The following BRINP3 variants were observed in gnomAD, a reference collection of about 807,000 sequenced individuals.
BRINP3 encodes BMP/retinoic acid inducible neural specific 3.
A neutral mutation model predicts 71.0 loss-of-function variants in BRINP3; 19 were observed. The ratio of observed to expected loss-of-function variants is 0.27; its 90% confidence interval spans 0.19 to 0.39. The LOEUF is 0.39. Ranked by LOEUF, BRINP3 falls within the 10% of genes least tolerant of loss-of-function variation. BRINP3 has a pLI of 1.00. For missense variants in BRINP3, 959 were observed against 940.8 expected, an observed-to-expected ratio of 1.02 and a Z score of -0.25; for synonymous variants, 380 against 337.7, an observed-to-expected ratio of 1.13 and a Z score of -1.37.
chr1:190,271,121 T>G (rs1407269609), intron 3 of BRINP3, among the ~76,000 whole-genome samples: 1 of 151,630 alleles, frequency 6.6e-6, no homozygotes, highest in Admixed American at 6.6e-5. Context: ...TTACTGAAGG[T>G]GTTGCAACAT....
At chr1:190,373,963 T>C (rs1272994243) in intron 2 of BRINP3, among the ~76,000 whole-genome samples, 2 of 151,250 alleles carry the variant, frequency 1.3e-5, no homozygotes, top group Non-Finnish European at 2.9e-5. Context: ...CAAGAAGCTA[T>C]TACTGCTCTG....
At chr1:190,257,085 C>G (rs1009899912) in intron 4 of BRINP3, among the ~76,000 whole-genome samples, 24 of 152,164 alleles carry the variant, frequency 1.6e-4, no homozygotes, top group Admixed American at 5.2e-4. Context: ...AGAGTGTTTT[C>G]CAACTTGGTT....
At chr1:190,471,086 T>A (rs1288826385) in intron 1 of BRINP3, among the ~76,000 whole-genome samples, 2 of 151,344 alleles carry the variant, frequency 1.3e-5, no homozygotes, top group Admixed American at 6.6e-5. Context: ...GATACAAATA[T>A]TCTTGCTAGC....
At chr1:190,459,552 G>A (rs558748178) in intron 1 of BRINP3, among the ~76,000 whole-genome samples, 1 of 152,010 alleles carries the variant, frequency 6.6e-6, no homozygotes, top group Admixed American at 6.6e-5. Context: ...CCTTTAAAGT[G>A]GTGGGTCATG....
At chr1:190,174,014 G>C (rs138240470) in intron 6 of BRINP3, among the ~76,000 whole-genome samples, 5 of 152,234 alleles carry the variant, frequency 3.3e-5, no homozygotes, top group African/African-American at 1.2e-4. Context: ...TATAATAAGA[G>C]GCTTGATCTT....
At chr1:190,272,711 T>C (rs1571590727) in intron 3 of BRINP3, among the ~76,000 whole-genome samples, 1 of 151,578 alleles carries the variant, frequency 6.6e-6, no homozygotes, top group East Asian at 1.9e-4. Context: ...ATAATAGTAG[T>C]GGGTTATCAT....
chr1:190,440,864 TTGCAAA>T (rs1277467838), intron 2 of BRINP3, among the ~76,000 whole-genome samples: 3 of 151,918 alleles, frequency 2.0e-5, no homozygotes. Flanking sequence ...AAGTAAACAT[TTGCAAA>T]GTACTGATGA....
intron 2 of BRINP3, among the ~76,000 whole-genome samples, chr1:190,354,867 C>A (rs1668630539): frequency 6.6e-6 from 1 of 150,974 alleles, no homozygotes; most frequent in Admixed American, 6.6e-5. Context: ...ATCCTGTATA[C>A]CTCTATTTAA....
At chr1:190,278,304 T>C (rs932707767) in intron 3 of BRINP3, among the ~76,000 whole-genome samples, 4 of 151,608 alleles carry the variant, frequency 2.6e-5, no homozygotes, top group Admixed American at 6.6e-5. Context: ...TTATAAGTTT[T>C]TCCTTGGTCT....
chr1:190,418,204 A>C (rs1372200264), intron 2 of BRINP3, among the ~76,000 whole-genome samples: 1 of 151,896 alleles, frequency 6.6e-6, no homozygotes, highest in African/African-American at 2.4e-5. Context: ...TTAGCCCCCC[A>C]CCATGCCTGG....
rs144333814 is a variant in BRINP3, at chr1:190,220,029, G to A, written c.961+6053C>T. Among the ~76,000 whole-genome samples, 832 of 152,036 alleles carry A rather than the reference G, an allele frequency of 5.5e-3. 6 individuals carry two copies. Among genetic ancestry groups the A allele is most frequent in the African/African-American group, 0.018 (759 of 41,500 alleles). On this transcript the variant is annotated intron_variant, in intron 6 of 7. Coordinates refer to ENST00000367462, the MANE Select transcript of BRINP3 (RefSeq NM_199051.3). ...AAAGTGAGCTGAGCAAGATCAAGGA[G>A]TGGAAATTTTAGTCAAATAAATAAT...
chr1:190,345,509 A>G (rs528927070), intron 2 of BRINP3, among the ~76,000 whole-genome samples: 2 of 151,702 alleles, frequency 1.3e-5, no homozygotes, highest in East Asian at 3.9e-4. Flanking sequence ...AATATTAGTC[A>G]TATATATCTA....
At chr1:190,454,420 G>A (rs577259011) in intron 2 of BRINP3, among the ~76,000 whole-genome samples, 1 of 152,128 alleles carries the variant, frequency 6.6e-6, no homozygotes. Flanking sequence ...AGGCAGTGTA[G>A]CATGCTTAAA....
chr1:190,360,429 T>C (rs1340520042), intron 2 of BRINP3, among the ~76,000 whole-genome samples: 1 of 152,196 alleles, frequency 6.6e-6, no homozygotes, highest in Non-Finnish European at 1.5e-5. Context: ...AAAATTGTTT[T>C]AGACAAAATG....
chr1:190,399,042 G>A (rs1487343375), intron 2 of BRINP3, among the ~76,000 whole-genome samples: 1 of 151,966 alleles, frequency 6.6e-6, no homozygotes, highest in Non-Finnish European at 1.5e-5. Context: ...CAGAGATTAT[G>A]ATTACTTTGT....
At chr1:190,426,162 C>T (rs760968486) in intron 2 of BRINP3, among the ~76,000 whole-genome samples, 11 of 151,636 alleles carry the variant, frequency 7.3e-5, no homozygotes, top group Admixed American at 2.6e-4. Flanking sequence ...TATCCAAAGG[C>T]AGAGTATAAT....
intron 2 of BRINP3, among the ~76,000 whole-genome samples, chr1:190,334,576 A>G (rs989374283): frequency 3.3e-5 from 5 of 151,794 alleles, no homozygotes; most frequent in African/African-American, 1.2e-4. Flanking sequence ...TATATCTTAT[A>G]AAAAGAAAAA....
chr1:190,263,770 A>G (rs1267011788), intron 4 of BRINP3, among the ~76,000 whole-genome samples: 1 of 151,578 alleles, frequency 6.6e-6, no homozygotes, highest in Non-Finnish European at 1.5e-5. Flanking sequence ...TTGTATTTTT[A>G]GTAGAGAGGG....
At chr1:190,344,127 G>GA (rs925592525) in intron 2 of BRINP3, among the ~76,000 whole-genome samples, 1 of 151,544 alleles carries the variant, frequency 6.6e-6, no homozygotes, top group South Asian at 2.1e-4. Context: ...AATTTCAGTA[G>GA]AAAAAAATCT....
Sources: gnomAD v4.1 joint callset for allele counts (sites outside exome capture counted in the v4.1 genomes callset) on GRCh38, gnomAD v4.1.1 for gene constraint, MANE v1.5 for transcripts, NCBI Gene and HGNC (gene_info 2026-07-23, HGNC 2026-07-21) for gene names.